Variants in FBXL17 observed in about 807,000 individuals in gnomAD.
FBXL17 encodes the protein F-box and leucine rich repeat protein 17.
FBXL17 carries 22 observed loss-of-function variants against 66.2 expected under a neutral mutation model. That is an observed-to-expected ratio of 0.33 (90% CI 0.24 to 0.47). The LOEUF (loss-of-function observed/expected upper bound fraction) is 0.47. FBXL17 is among the 20% of genes least tolerant of loss of function. FBXL17 has a pLI of 1.00. For synonymous variants in FBXL17, 474 were observed against 400.5 expected (o/e 1.18, Z -2.19); for missense variants, 878 against 948.2 (o/e 0.93, Z 0.97).
intron 6 of FBXL17, among the ~76,000 whole-genome samples, chr5:108,038,668 AAG>A (rs1423696428): frequency 2.0e-5 from 3 of 152,130 alleles, no homozygotes; most frequent in African/African-American, 4.8e-5. Flanking sequence ...ATGAACACAA[AAG>A]AGAGATAATT....
chr5:108,364,300 T>C (rs570423519), intron 3 of FBXL17, among the ~76,000 whole-genome samples: 31 of 152,148 alleles, frequency 2.0e-4, no homozygotes, highest in African/African-American at 7.5e-4. Flanking sequence ...TAGAGGTAAT[T>C]AGGCCTTTGT....
chr5:107,985,555 T>A (rs1296394156), intron 7 of FBXL17, among the ~76,000 whole-genome samples: 1 of 152,208 alleles, frequency 6.6e-6, no homozygotes, highest in Non-Finnish European at 1.5e-5. Context: ...CTTAAATTAG[T>A]CTCTTGTTTA....
At chr5:108,228,668 T>C (rs775609693) in intron 4 of FBXL17, among the ~76,000 whole-genome samples, 5 of 152,182 alleles carry the variant, frequency 3.3e-5, no homozygotes, top group Non-Finnish European at 7.4e-5. Context: ...TTCCGATTCT[T>C]AGCCAGGACT....
intron 6 of FBXL17, among the ~76,000 whole-genome samples, chr5:108,142,981 A>T: frequency 6.7e-6 from 1 of 149,226 alleles, no homozygotes; most frequent in African/African-American, 2.4e-5. Flanking sequence ...CATAAAGTAT[A>T]ATAATAATAA....
At chr5:108,257,802 A>G (rs1453238899) in intron 4 of FBXL17, among the ~76,000 whole-genome samples, 2 of 152,114 alleles carry the variant, frequency 1.3e-5, no homozygotes, top group Non-Finnish European at 2.9e-5. Context: ...GTTCACATAC[A>G]TATTGTATTA....
chr5:108,058,967 A>C (rs563500776), intron 6 of FBXL17, among the ~76,000 whole-genome samples: 3 of 152,304 alleles, frequency 2.0e-5, no homozygotes, highest in South Asian at 2.1e-4. Flanking sequence ...CTTTCTGCAC[A>C]AAACAGGTAG....
intron 5 of FBXL17, among the ~76,000 whole-genome samples, chr5:108,220,915 C>T (rs921069680): frequency 3.9e-5 from 6 of 152,210 alleles, no homozygotes; most frequent in African/African-American, 1.4e-4. Context: ...AATTCTCCCA[C>T]ATACAAGTCA....
chr5:108,202,285 T>C (rs77733205), intron 5 of FBXL17, among the ~76,000 whole-genome samples: 8 of 152,164 alleles, frequency 5.3e-5, no homozygotes, highest in Admixed American at 3.3e-4. Flanking sequence ...CCTATTACCA[T>C]TGAAGTTGCT....
chr5:108,023,011 G>A (rs288164), intron 6 of FBXL17, among the ~76,000 whole-genome samples: 23,975 of 152,050 alleles, frequency 0.16, 2,281 homozygotes, highest in South Asian at 0.42. Flanking sequence ...CAATACAGTG[G>A]CCAAGAGACA....
Position 108,020,932 on chromosome 5 carries a change from T to C in FBXL17, c.1815A>G (p.Thr605=). The change falls in exon 7 of 9, where the codon ACA becomes ACG. Residue 605 remains threonine (T), a synonymous_variant. Transcript: ENST00000542267. ...AAATGGTTCATTACCTACCATAATC[T>C]GTGATTTTACAGGACACCAAATATA... ...KELYLVSCKI[T]DYALIAIGRY... The C allele has an allele frequency of 6.2e-7, 1 of 1,605,760 alleles. No homozygotes were observed. The highest frequency in any genetic ancestry group is 2.2e-5 in the East Asian group (1 of 44,712).
Position 108,154,616 on chromosome 5 carries a change from T to TACAC in FBXL17, c.1745+31497_1745+31500dup, listed in dbSNP as rs768615062. 7.9e-3 allele frequency among the ~76,000 whole-genome samples: 758 copies of TACAC among 96,164 alleles called. 12 individuals are homozygous for TACAC. The highest frequency in any genetic ancestry group is 0.023 in the East Asian group (77 of 3,394). 63.1% of individuals were successfully genotyped at this position (96,164 alleles called of 152,430 possible). On this transcript the variant is annotated intron_variant, in intron 6 of 8. Transcript: ENST00000542267. ...AAAAAAAAAAAAAAAAATATATATA[T>TACAC]ACACACACACACACACACACACACA...
Position 108,381,940 on chromosome 5 carries a change from G to T in FBXL17, c.-249C>A. On this transcript the variant is annotated 5_prime_UTR_variant, in exon 1 of 9. Transcript: ENST00000542267. Reference sequence around the variant, plus strand: ...GGGAGAACGATGGGCGCGAGCTTTGGGGACGCGAGGGAGGGAGCGAGCGAG... The same window carrying T: ...GGGAGAACGATGGGCGCGAGCTTTGTGGACGCGAGGGAGGGAGCGAGCGAG... 8.0e-7 allele frequency: 1 copy of T among 1,247,994 alleles called. No individual in the cohort carries two copies. Among genetic ancestry groups the T allele is most frequent in the South Asian group, 3.0e-5 (1 of 33,284 alleles). 77.3% of individuals were successfully genotyped at this position (1,247,994 alleles called of 1,614,324 possible). A position where few individuals can be genotyped will look rare whatever the true frequency, so the allele number is the denominator to read the frequency against.
chr5:108,374,048 T>C (rs895248536), intron 1 of FBXL17, among the ~76,000 whole-genome samples: 1 of 152,114 alleles, frequency 6.6e-6, no homozygotes, highest in South Asian at 2.1e-4. Flanking sequence ...ACAATACATA[T>C]AGCAAAAACT....
chr5:108,261,101 A>G (rs1435627429), intron 4 of FBXL17, among the ~76,000 whole-genome samples: 1 of 152,190 alleles, frequency 6.6e-6, no homozygotes, highest in Non-Finnish European at 1.5e-5. Context: ...AGTAGGATAA[A>G]TACAGTTATA....
chr5:108,302,674 TTTC>T (rs1454674204), intron 4 of FBXL17, among the ~76,000 whole-genome samples: 1 of 151,830 alleles, frequency 6.6e-6, no homozygotes, highest in Non-Finnish European at 1.5e-5. Context: ...TGTTTTCTAT[TTTC>T]TTAAATATTT....
chr5:108,282,739 T>A (rs1033424988), intron 4 of FBXL17, among the ~76,000 whole-genome samples: 1 of 151,326 alleles, frequency 6.6e-6, no homozygotes, highest in Non-Finnish European at 1.5e-5. Context: ...TGCTAAGATA[T>A]AATCTTATAT....
At chr5:107,949,285 A>G (rs927227483) in intron 7 of FBXL17, among the ~76,000 whole-genome samples, 12 of 152,094 alleles carry the variant, frequency 7.9e-5, no homozygotes, top group Admixed American at 2.6e-4. Flanking sequence ...ATTTGGTTTT[A>G]TTCTAGGTAC....
chr5:108,369,563 T>C (rs1447809358), intron 1 of FBXL17, among the ~76,000 whole-genome samples: 2 of 152,058 alleles, frequency 1.3e-5, no homozygotes, highest in Non-Finnish European at 2.9e-5. Context: ...AATTTTTCTA[T>C]AAATCTGAAT....
intron 4 of FBXL17, among the ~76,000 whole-genome samples, chr5:108,316,388 T>C (rs1028108432): frequency 4.6e-5 from 7 of 151,452 alleles, no homozygotes; most frequent in African/African-American, 1.7e-4. Flanking sequence ...TATAAATTAC[T>C]TCTGTTCTAG....
Sources: allele counts gnomAD v4.1 joint callset (sites outside exome capture counted in the v4.1 genomes callset), GRCh38; gene constraint gnomAD v4.1.1; transcripts MANE v1.5; gene names NCBI Gene and HGNC (gene_info 2026-07-23, HGNC 2026-07-21).